Variants in ABCG5 observed in about 807,000 individuals in gnomAD.
ABCG5 encodes ATP binding cassette subfamily G member 5.
In ABCG5, 64 loss-of-function variants were observed where a neutral mutation model predicts 64.5. The observed-to-expected ratio is 0.99, with a 90% CI of 0.81 to 1.22. The LOEUF (loss-of-function observed/expected upper bound fraction) is 1.22, where lower values mean the gene tolerates loss of function less well. Among genes scored for constraint, ABCG5 ranks in the 50% most tolerant of loss-of-function variants. The probability of loss-of-function intolerance (pLI) is 0.00; values close to 1 mark genes in which losing one functional copy is unlikely to be tolerated. For synonymous variants in ABCG5, 385 were observed against 326.3 expected (o/e 1.18, Z -1.94); for missense variants, 908 against 829.5 (o/e 1.09, Z -1.16).
chr2:43,839,189 C>G, upstream of ABCG5: 2 of 1,483,556 alleles, frequency 1.3e-6, no homozygotes, highest in Non-Finnish European at 1.8e-6. Flanking sequence ...TCTCTTCCCT[C>G]AGGAGCCTTC....
In ABCG5 at chr2:43,838,828, A is replaced by G. The variant is rs1572812328; in HGVS notation, c.-149T>C. The stretch of plus-strand genomic sequence containing the variant: ...CAGCAGGACTGGGACTTGGCCACGG[A>G]GACCATTATCTGATGTACCTTTAGC... On this transcript the variant is annotated 5_prime_UTR_variant, in exon 1 of 13. Coordinates refer to ENST00000405322, the MANE Select transcript of ABCG5 (RefSeq NM_022436.3). The surrounding 1 kb of genome is among the most constrained non-coding windows in gnomAD (Gnocchi z 4.2). The G allele has an allele frequency of 6.9e-7, 1 of 1,443,982 alleles. No homozygotes were observed. The highest frequency in any genetic ancestry group is 1.3e-5 in the South Asian group (1 of 79,328). 89.4% of individuals were successfully genotyped at this position (1,443,982 alleles called of 1,614,324 possible).
At position 43,838,605 on chromosome 2, in the gene ABCG5, C is replaced by G; in HGVS notation, c.75G>C (p.Leu25=). 6.2e-7 allele frequency: 1 copy of G among 1,612,292 alleles called. No individual in the cohort carries two copies. The highest frequency in any genetic ancestry group is 8.5e-7 in the Non-Finnish European group (1 of 1,179,522). ...LQVNRGSQSS[L]EGAPATAPEP... The stretch of plus-strand genomic sequence containing the variant: ...CCGGGGCGGTGGCAGGAGCCCCCTC[C>G]AGGGAGCTCTGGGAGCCTCTGTTTA... The change falls in exon 1 of 13, where the codon CTG becomes CTC. Residue 25 remains leucine, a synonymous_variant. Coordinates refer to ENST00000405322, the MANE Select transcript of ABCG5 (RefSeq NM_022436.3). This position sits in a 1 kb window ranked among gnomAD's most constrained non-coding sequence, Gnocchi z 4.2.
At chr2:43,830,736 C>T (rs1016691933) in intron 4 of ABCG5, among the ~76,000 whole-genome samples, 4 of 152,258 alleles carry the variant, frequency 2.6e-5, no homozygotes, top group African/African-American at 9.6e-5. Flanking sequence ...GTCCACCTGT[C>T]ATTGGTTCCC....
At chr2:43,825,125 T>G in intron 6 of ABCG5, 107 bp from the exon 7 acceptor site, 1 of 1,363,934 alleles carries the variant, frequency 7.3e-7, no homozygotes, top group Non-Finnish European at 1.0e-6. Flanking sequence ...TTCCTTATGG[T>G]CACCAAGTCC....
At chr2:43,832,226 A>G in intron 2 of ABCG5, 143 bp from the exon 3 acceptor site, 1 of 1,164,346 alleles carries the variant, frequency 8.6e-7, no homozygotes, top group Non-Finnish European at 1.2e-6. Context: ...AGGACACAGC[A>G]GGATACAGGC....
chr2:43,831,632 C>T (rs1356545247), intron 4 of ABCG5, 137 bp downstream of exon 4: 5 of 867,132 alleles, frequency 5.8e-6, no homozygotes, highest in East Asian at 2.7e-5. Context: ...GTGCACGGTG[C>T]AGGACGCAGG....
intron 4 of ABCG5, among the ~76,000 whole-genome samples, chr2:43,828,995 T>C (rs550748530): frequency 6.7e-6 from 1 of 149,224 alleles, no homozygotes; most frequent in African/African-American, 2.6e-5. Context: ...AATAAACAAA[T>C]AAAATAAAAT....
At chr2:43,813,939 G>A (rs1666652471) in intron 12 of ABCG5, among the ~76,000 whole-genome samples, 2 of 151,760 alleles carry the variant, frequency 1.3e-5, no homozygotes, top group South Asian at 4.2e-4. Flanking sequence ...GGCTGGTCTC[G>A]AACTCTTGAC....
intron 6 of ABCG5, among the ~76,000 whole-genome samples, chr2:43,825,958 A>T (rs895120464): frequency 3.3e-5 from 5 of 151,124 alleles, no homozygotes; most frequent in African/African-American, 1.2e-4. Context: ...GTTGGCTCCA[A>T]TTCTCTAGCA....
chr2:43,838,050 C>T lies in ABCG5; in HGVS notation c.144-95G>A. ...CATTGATCCTACCTGTGCCCCACCC[C>T]AGTAGTCTCCGGACAGGCTCCTAAC... is the stretch of plus-strand genomic sequence containing the variant. On this transcript the variant is annotated intron_variant, in intron 1 of 12. Coordinates refer to ENST00000405322, the MANE Select transcript of ABCG5 (RefSeq NM_022436.3). This position sits in a 1 kb window ranked among gnomAD's most constrained non-coding sequence, Gnocchi z 4.2. 1.3e-6 allele frequency: 2 copies of T among 1,550,424 alleles called. No homozygotes were observed. Among genetic ancestry groups the T allele is most frequent in the Non-Finnish European group, 1.8e-6 (2 of 1,129,890 alleles).
At chr2:43,806,677 C>A in the ABCG5 span, among the ~76,000 whole-genome samples, 1 of 152,232 alleles carries the variant, frequency 6.6e-6, no homozygotes, top group Non-Finnish European at 1.5e-5. Context: ...ATAATGATCA[C>A]TTTTATTAAG....
intron 12 of ABCG5, among the ~76,000 whole-genome samples, chr2:43,814,164 A>G (rs531500426): frequency 6.6e-6 from 1 of 152,262 alleles, no homozygotes; most frequent in South Asian, 2.1e-4. Context: ...AGCCTGCTTG[A>G]ATGTGTTCAG....
At chr2:43,813,963 A>C (rs536207882) in intron 12 of ABCG5, among the ~76,000 whole-genome samples, 2 of 151,508 alleles carry the variant, frequency 1.3e-5, no homozygotes, top group Admixed American at 6.6e-5. Context: ...AAGTGATCCA[A>C]CCTCCGACTC....
chr2:43,832,203 G>T, intron 2 of ABCG5, 120 bp from the exon 3 acceptor site: 2 of 1,383,026 alleles, frequency 1.4e-6, no homozygotes, highest in Non-Finnish European at 2.0e-6. Context: ...GACGGACCCT[G>T]TTCTAGGTGT....
intron 7 of ABCG5, 40 bp from the exon 8 acceptor site, chr2:43,824,472 A>G (rs755828901): frequency 5.6e-6 from 9 of 1,608,594 alleles, no homozygotes; most frequent in South Asian, 5.5e-5. Flanking sequence ...ATGTGTTTTT[A>G]AATGCATGTA....
At chr2:43,818,445 A>G (rs1274429733) in intron 11 of ABCG5, among the ~76,000 whole-genome samples, 1 of 152,234 alleles carries the variant, frequency 6.6e-6, no homozygotes, top group Non-Finnish European at 1.5e-5. Flanking sequence ...CTGTGTTTCA[A>G]AAAAACAAAA....
intron 11 of ABCG5, among the ~76,000 whole-genome samples, chr2:43,816,269 A>C (rs1666816614): frequency 6.6e-6 from 1 of 152,226 alleles, no homozygotes; most frequent in Non-Finnish European, 1.5e-5. Context: ...TAAAATGATG[A>C]ATGAGACACA....
In ABCG5 at chr2:43,832,020, A is replaced by T. The variant is rs1360912295; in HGVS notation, c.329T>A (p.Leu110Gln). 1.3e-6 allele frequency: 2 copies of T among 1,571,058 alleles called. No homozygotes were observed. Among genetic ancestry groups the T allele is most frequent in the East Asian group, 4.7e-5 (2 of 42,856 alleles). ...SGRLGRAGTF[L>Q]GEVYVNGRAL... is the part of the protein sequence containing the mutation. ...CCGGCCGTTCACATACACCTCCCCCAGGAAGGTCCCCGCGCGCCCCAGCCT... is the reference window on the plus strand; with the variant it reads ...CCGGCCGTTCACATACACCTCCCCCTGGAAGGTCCCCGCGCGCCCCAGCCT... Residue 110 changes from leucine (L) to glutamine (Q), a missense_variant, in exon 3 of 13, where the codon CTG (leucine) becomes CAG (glutamine). By Grantham distance (113) the Leu-to-Gln change is moderately radical. Transcript: ENST00000405322.
At position 43,813,145 on chromosome 2, in the gene ABCG5, T is replaced by C. The variant is rs2104740826; in HGVS notation, c.1927A>G (p.Lys643Glu). The part of the protein sequence containing the change: ...ALVILGIVVF[K>E]IRDHLISR The stretch of plus-strand genomic sequence containing the variant: ...CTGCTAATGAGATGATCCCTTATTT[T>C]GAAAACAACTATTCCTAGGATGACA... Residue 643 changes from lysine to glutamate, a missense_variant, in exon 13 of 13, where the codon AAA (lysine) becomes GAA (glutamate). Lys to Glu is a moderately conservative substitution (Grantham distance 56, BLOSUM62 1). Coordinates refer to ENST00000405322, the MANE Select transcript of ABCG5 (RefSeq NM_022436.3). 2.1e-6 allele frequency: 3 copies of C among 1,433,292 alleles called. No individual in the cohort carries two copies. Among genetic ancestry groups the C allele is most frequent in the South Asian group, 1.1e-5 (1 of 87,252 alleles). 88.8% of individuals were successfully genotyped at this position (1,433,292 alleles called of 1,614,324 possible).
Sources: gnomAD v4.1 joint callset for allele counts (sites outside exome capture counted in the v4.1 genomes callset) on GRCh38, gnomAD v4.1.1 for gene constraint, Gnocchi (gnomAD v3.1) non-coding constraint, MANE v1.5 for transcripts, NCBI Gene and HGNC (gene_info 2026-07-23, HGNC 2026-07-21) for gene names.